The following CENPP variants were observed in gnomAD, a reference collection of about 807,000 sequenced individuals.
CENPP encodes centromere protein P.
A neutral mutation model predicts 35.6 loss-of-function variants in CENPP; 24 were observed. That is an observed-to-expected ratio of 0.67 (90% CI 0.49 to 0.95). The LOEUF is 0.95. CENPP is among the 40% of genes least tolerant of loss of function. CENPP has a pLI of 0.00. For synonymous variants in CENPP, 120 were observed against 125.5 expected, an observed-to-expected ratio of 0.96 and a Z score of 0.29; for missense variants, 332 against 345.3, an observed-to-expected ratio of 0.96 and a Z score of 0.31.
At position 92,578,725 on chromosome 9, in the gene CENPP, G is replaced by A. The variant is rs373755797; in HGVS notation, c.565-32589G>A. ...GCCCTTTGTCAGATGAGTAGGTTGC[G>A]AAAATTTTCTCCCATTCTGTAGGTT... is the stretch of plus-strand genomic sequence containing the variant. On this transcript the variant is annotated intron_variant, in intron 5 of 7. Coordinates refer to ENST00000375587, the MANE Select transcript of CENPP (RefSeq NM_001012267.3). Among the ~76,000 whole-genome samples the A allele has an allele frequency of 6.6e-5, 10 of 151,582 alleles. 1 individual carries two copies. The South Asian group carries it at 1.0e-3, about 16-fold the overall frequency.
chr9:92,391,674 A>T (rs933889206), intron 5 of CENPP, among the ~76,000 whole-genome samples: 1 of 152,148 alleles, frequency 6.6e-6, no homozygotes, highest in Non-Finnish European at 1.5e-5. Flanking sequence ...AATGTGAAAA[A>T]CATGTCGTTA....
intron 5 of CENPP, among the ~76,000 whole-genome samples, chr9:92,519,306 G>A (rs1847921092): frequency 6.6e-6 from 1 of 152,040 alleles, no homozygotes; most frequent in African/African-American, 2.4e-5. Context: ...TTGCAGAAAT[G>A]GAAAAGCTGA....
rs142069154 is a variant in CENPP at position 92,427,726 on chromosome 9, C to T, written c.564+47867C>T. Among the ~76,000 whole-genome samples the T allele has an allele frequency of 1.6e-3, 250 of 152,242 alleles. 1 individual carries two copies. Among genetic ancestry groups the T allele is most frequent in the African/African-American group, 5.8e-3 (239 of 41,548 alleles). ...AGCTCCTGACCTCAGGCAGTCCACC[C>T]GCCTCAGCCTCCCAAAGTGCTGGGA... On this transcript the variant is annotated intron_variant, in intron 5 of 7. Transcript: ENST00000375587.
chr9:92,394,345 C>T (rs767525151), intron 5 of CENPP, among the ~76,000 whole-genome samples: 16 of 151,710 alleles, frequency 1.1e-4, no homozygotes, highest in South Asian at 2.1e-4. Context: ...CCATTTCAAG[C>T]GATTCTTCTG....
At chr9:92,343,220 A>G (rs1841175802) in intron 3 of CENPP, among the ~76,000 whole-genome samples, 1 of 152,200 alleles carries the variant, frequency 6.6e-6, no homozygotes, top group Admixed American at 6.5e-5. Flanking sequence ...TGTCTAGGTC[A>G]ACCCTATTAT....
intron 5 of CENPP, among the ~76,000 whole-genome samples, chr9:92,450,526 T>C (rs1157459054): frequency 6.6e-6 from 1 of 152,108 alleles, no homozygotes; most frequent in Non-Finnish European, 1.5e-5. Flanking sequence ...TCCAAGTCTT[T>C]GCTATTGTGA....
At chr9:92,509,891 TTAAATACCTGA>T (rs1847232338) in intron 5 of CENPP, 1 of 1,599,422 alleles carries the variant, frequency 6.3e-7, no homozygotes, top group Non-Finnish European at 8.5e-7. Context: ...AAAACAAATA[TTAAATACCTGA>T]TAAACTTTCT....
At position 92,567,397 on chromosome 9, in the gene CENPP, G is replaced by GATAGAT. The variant is rs1318149536; in HGVS notation, c.565-43914_565-43913insGATATA. 8.8e-3 allele frequency among the ~76,000 whole-genome samples: 451 copies of GATAGAT among 51,426 alleles called. 2 individuals are homozygous for GATAGAT. Among genetic ancestry groups the GATAGAT allele is most frequent in the African/African-American group, 0.032 (350 of 10,774 alleles). 33.7% of individuals were successfully genotyped at this position (51,426 alleles called of 152,430 possible). A position where few individuals can be genotyped will look rare whatever the true frequency, so the allele number is the denominator to read the frequency against. ...AGATATATATATATATATATATATA[G>GATAGAT]ATATATATATAAAGTGGTTAGTGAT... On this transcript the variant is annotated intron_variant, in intron 5 of 7. Transcript: ENST00000375587.
At chr9:92,362,431 A>G (rs917722419) in intron 4 of CENPP, among the ~76,000 whole-genome samples, 1 of 152,082 alleles carries the variant, frequency 6.6e-6, no homozygotes, top group Non-Finnish European at 1.5e-5. Flanking sequence ...CCCCAATAGA[A>G]TGTTTCTTAT....
chr9:92,327,850 A>AG (rs1443853837), intron 1 of CENPP, among the ~76,000 whole-genome samples: 3 of 152,178 alleles, frequency 2.0e-5, no homozygotes, highest in Admixed American at 6.5e-5. Context: ...TTTTAAAGGT[A>AG]GGGGGTATGT....
At chr9:92,467,345 A>G (rs1308941319) in intron 5 of CENPP, among the ~76,000 whole-genome samples, 1 of 152,230 alleles carries the variant, frequency 6.6e-6, no homozygotes, top group African/African-American at 2.4e-5. Flanking sequence ...GGATGTGGGG[A>G]TTTCAGAACC....
intron 5 of CENPP, among the ~76,000 whole-genome samples, chr9:92,574,620 ACT>A (rs1850233698): frequency 6.6e-6 from 1 of 152,182 alleles, no homozygotes. Context: ...GGATTGGAAG[ACT>A]CTGTGTTAAG....
chr9:92,589,806 C>G (rs1850626623), intron 5 of CENPP, among the ~76,000 whole-genome samples: 1 of 152,004 alleles, frequency 6.6e-6, no homozygotes, highest in Non-Finnish European at 1.5e-5. Context: ...TTGTTGAATG[C>G]CTTTTTAAAC....
At chr9:92,587,853 C>T (rs1012530167) in intron 5 of CENPP, among the ~76,000 whole-genome samples, 1 of 152,116 alleles carries the variant, frequency 6.6e-6, no homozygotes, top group African/African-American at 2.4e-5. Flanking sequence ...GAGCCAGGCA[C>T]GGTGGCTCAC....
intron 5 of CENPP, among the ~76,000 whole-genome samples, chr9:92,558,986 C>T (rs1013537151): frequency 3.3e-5 from 5 of 152,054 alleles, no homozygotes; most frequent in Non-Finnish European, 7.4e-5. Context: ...CCCCGCCACC[C>T]AACAGCCCCA....
At chr9:92,445,264 T>C (rs372562403) in intron 5 of CENPP, among the ~76,000 whole-genome samples, 57 of 152,266 alleles carry the variant, frequency 3.7e-4, no homozygotes, top group East Asian at 2.9e-3. Flanking sequence ...TCAAGCATCA[T>C]TGGGGTCCAG....
chr9:92,434,920 T>C (rs1588127775), intron 5 of CENPP, among the ~76,000 whole-genome samples: 1 of 151,942 alleles, frequency 6.6e-6, no homozygotes, highest in East Asian at 1.9e-4. Flanking sequence ...GGCGTGGTGG[T>C]GCACGCCTGT....
chr9:92,571,584 T>G (rs1196751505), intron 5 of CENPP, among the ~76,000 whole-genome samples: 2 of 152,232 alleles, frequency 1.3e-5, no homozygotes, highest in Non-Finnish European at 2.9e-5. Flanking sequence ...GTTCTGTAGA[T>G]GTCTTTTAGG....
intron 5 of CENPP, chr9:92,415,537 T>C (rs1027344982): frequency 7.0e-5 from 64 of 908,276 alleles, no homozygotes; most frequent in Non-Finnish European, 1.4e-5. Context: ...GTTATAGCCA[T>C]AATTCTATGT....
Sources: gnomAD v4.1 joint callset for allele counts (sites outside exome capture counted in the v4.1 genomes callset) on GRCh38, gnomAD v4.1.1 for gene constraint, MANE v1.5 for transcripts, NCBI Gene and HGNC (gene_info 2026-07-23, HGNC 2026-07-21) for gene names.